Variants in AKR1C3 observed in about 807,000 individuals in gnomAD.
AKR1C3 encodes the protein 3-alpha hydroxysteroid dehydrogenase, type II.
A neutral mutation model predicts 43.6 loss-of-function variants in AKR1C3; 48 were observed. That is an observed-to-expected ratio of 1.10 (90% confidence interval 0.87 to 1.40). AKR1C3 has a LOEUF of 1.40. Ranked by LOEUF, AKR1C3 falls within the 40% of genes most tolerant of loss-of-function variation. The pLI is 0.00. For synonymous variants in AKR1C3, 162 were observed against 139.6 expected (o/e 1.16, Z -1.13); for missense variants, 482 against 391.2 (o/e 1.23, Z -1.96).
intron 1 of AKR1C3, among the ~76,000 whole-genome samples, chr10:5,052,402 C>G (rs1051357776): frequency 1.3e-5 from 2 of 152,182 alleles, no homozygotes; most frequent in Non-Finnish European, 2.9e-5. Flanking sequence ...GCTGGCTTGG[C>G]CAGCCTGCTT....
At chr10:5,091,819 A>G (rs2131831067), upstream of AKR1C3, among the ~76,000 whole-genome samples, 1 of 152,298 alleles carries the variant, frequency 6.6e-6, no homozygotes, top group South Asian at 2.1e-4. Context: ...ACGTTGAAGA[A>G]GTGTAGAATA....
chr10:5,049,609 T>G (rs1304828271), intron 1 of AKR1C3, among the ~76,000 whole-genome samples: 1 of 152,244 alleles, frequency 6.6e-6, no homozygotes, highest in African/African-American at 2.4e-5. Flanking sequence ...GACTTTATTT[T>G]ATAGACTAAA....
At chr10:5,048,804 T>C, upstream of AKR1C3, 1 of 1,612,876 alleles carries the variant, frequency 6.2e-7, no homozygotes. Context: ...GCCAGCTGAG[T>C]GACAGTGATG....
At chr10:5,071,005 G>T (rs1053493583) in intron 1 of AKR1C3, among the ~76,000 whole-genome samples, 4 of 152,160 alleles carry the variant, frequency 2.6e-5, no homozygotes, top group Non-Finnish European at 5.9e-5. Flanking sequence ...GCTTCTATGG[G>T]GTGGTATTGA....
At chr10:5,077,348 G>A (rs1480606351) in intron 1 of AKR1C3, among the ~76,000 whole-genome samples, 2 of 152,114 alleles carry the variant, frequency 1.3e-5, no homozygotes, top group Non-Finnish European at 2.9e-5. Flanking sequence ...AAAAAGCAAG[G>A]AAGCTACAGT....
At chr10:5,083,594 G>A (rs1838885985) in intron 1 of AKR1C3, among the ~76,000 whole-genome samples, 1 of 152,212 alleles carries the variant, frequency 6.6e-6, no homozygotes, top group Non-Finnish European at 1.5e-5. Context: ...TATATACCCA[G>A]TAATGGGATG....
chr10:5,081,413 T>C (rs1838835704), intron 1 of AKR1C3, among the ~76,000 whole-genome samples: 1 of 152,222 alleles, frequency 6.6e-6, no homozygotes. Flanking sequence ...CCAAAATGCT[T>C]GCATTGACCA....
At chr10:5,087,376 CTTTCTTT>C (rs1455564343) in intron 1 of AKR1C3, among the ~76,000 whole-genome samples, 9 of 45,370 alleles carry the variant, frequency 2.0e-4, no homozygotes, top group African/African-American at 3.9e-4. Context: ...TTTATCATTT[CTTTCTTT>C]TTTTTTTTTT....
intron 1 of AKR1C3, chr10:5,081,930 A>G (rs1254121788): frequency 1.3e-5 from 2 of 152,162 alleles, no homozygotes; most frequent in Admixed American, 6.5e-5. Flanking sequence ...GTTTTTTCTA[A>G]TATCTCCAAG....
Position 5,099,418 on chromosome 10 carries a change from C to T in AKR1C3, c.539C>T (p.Pro180Leu). ...CAGCTGGAGATGATCCTCAACAAGC[C>T]AGGACTCAAGTACAAGCCTGTCTGC... ...RRQLEMILNK[P>L]GLKYKPVCNQ... Residue 180 changes from proline to leucine, a missense_variant, in exon 5 of 9, where the codon CCA becomes CTA. Transcript: ENST00000380554. 1.2e-6 allele frequency: 2 copies of T among 1,614,188 alleles called. No individual in the cohort carries two copies. Among genetic ancestry groups the T allele is most frequent in the Non-Finnish European group, 1.7e-6 (2 of 1,180,034 alleles).
chr10:5,048,845 G>A, exon 1 of AKR1C3: 1 of 1,614,048 alleles, frequency 6.2e-7, no homozygotes, highest in South Asian at 1.1e-5. Context: ...GAAGCTAAAT[G>A]ATGGTCACTT....
chr10:5,087,333 T>C (rs1838989719), intron 1 of AKR1C3, among the ~76,000 whole-genome samples: 1 of 151,948 alleles, frequency 6.6e-6, no homozygotes. Flanking sequence ...TGATACTCTC[T>C]TGTATTTCTC....
At chr10:5,069,306 A>G (rs570477953) in intron 1 of AKR1C3, among the ~76,000 whole-genome samples, 1 of 152,344 alleles carries the variant, frequency 6.6e-6, no homozygotes, top group East Asian at 1.9e-4. Context: ...CCATGAATTA[A>G]GAATATTCAC....
intron 5 of AKR1C3, 105 bp from the exon 6 acceptor site, chr10:5,101,996 T>C (rs1272102227): frequency 1.7e-5 from 12 of 699,702 alleles, no homozygotes; most frequent in Non-Finnish European, 2.7e-5. Flanking sequence ...TCAGCTCAAA[T>C]ATAATGCTAT....
chr10:5,101,359 ATCATTT>A, intron 5 of AKR1C3, among the ~76,000 whole-genome samples: 1 of 152,234 alleles, frequency 6.6e-6, no homozygotes, highest in African/African-American at 2.4e-5. Context: ...TTTTTAGATA[ATCATTT>A]TCAATTTTAA....
At chr10:5,071,336 T>C (rs1838609078) in intron 1 of AKR1C3, among the ~76,000 whole-genome samples, 1 of 152,152 alleles carries the variant, frequency 6.6e-6, no homozygotes, top group Admixed American at 6.5e-5. Flanking sequence ...GCAGAGACTC[T>C]CCCTGCTCTC....
chr10:5,068,785 G>T (rs958165904), intron 1 of AKR1C3, among the ~76,000 whole-genome samples: 1 of 152,198 alleles, frequency 6.6e-6, no homozygotes, highest in Non-Finnish European at 1.5e-5. Context: ...AGCCTCCCAA[G>T]AAGGCCTCTT....
chr10:5,105,525 T>C, intron 7 of AKR1C3, 70 bp from the exon 8 acceptor site: 1 of 1,160,862 alleles, frequency 8.6e-7, no homozygotes, highest in Non-Finnish European at 1.3e-6. Flanking sequence ...CTCTGCACCC[T>C]ACTGTCTAAT....
At chr10:5,075,813 G>T (rs2131810190) in intron 1 of AKR1C3, among the ~76,000 whole-genome samples, 1 of 152,152 alleles carries the variant, frequency 6.6e-6, no homozygotes, top group Non-Finnish European at 1.5e-5. Context: ...GGCAGAGGTT[G>T]CAGTGAGCCA....
Sources: gnomAD v4.1 joint callset for allele counts (sites outside exome capture counted in the v4.1 genomes callset) on GRCh38, gnomAD v4.1.1 for gene constraint, MANE v1.5 for transcripts, NCBI Gene and HGNC (gene_info 2026-07-23, HGNC 2026-07-21) for gene names.